The following PPP1R14C variants were observed in gnomAD, a reference collection of about 807,000 sequenced individuals.
The protein encoded by PPP1R14C is protein phosphatase 1 regulatory subunit 14C.
PPP1R14C carries 16 observed loss-of-function variants against 20.4 expected under a neutral mutation model. The observed-to-expected ratio is 0.78, with a 90% CI of 0.53 to 1.19. The LOEUF is 1.19. Among genes scored for constraint, PPP1R14C ranks in the 50% most tolerant of loss-of-function variants. PPP1R14C has a pLI of 0.00. For synonymous variants in PPP1R14C, 91 were observed against 91.0 expected, an observed-to-expected ratio of 1.00 and a Z score of 0.00; for missense variants, 211 against 220.1, an observed-to-expected ratio of 0.96 and a Z score of 0.26.
At chr6:150,163,549 G>T (rs1353921374) in intron 1 of PPP1R14C, among the ~76,000 whole-genome samples, 1 of 152,252 alleles carries the variant, frequency 6.6e-6, no homozygotes, top group South Asian at 2.1e-4. Context: ...GGGGTCCCTC[G>T]TGTGTGCTTA....
chr6:150,160,044 G>A (rs192788622), intron 1 of PPP1R14C, among the ~76,000 whole-genome samples: 61 of 152,158 alleles, frequency 4.0e-4, no homozygotes, highest in African/African-American at 1.4e-3. Context: ...ATTAGACTGC[G>A]TTTATGGGTT....
rs137954748 is a variant in PPP1R14C, at chr6:150,218,485, C to CAA, written c.423+1637_423+1638dup. On this transcript the variant is annotated intron_variant, in intron 3 of 3. Transcript: ENST00000361131. ...ACTAATACATCTGAACCCCCCCCCCCAAAAAAAAATTCTGAGGCTTATTTT... is the reference window on the plus strand; with the variant it reads ...ACTAATACATCTGAACCCCCCCCCCCAAAAAAAAAAATTCTGAGGCTTATTTT... 8.1e-3 allele frequency among the ~76,000 whole-genome samples: 1,016 copies of CAA among 125,658 alleles called. 23 individuals are homozygous for CAA. The highest frequency in any genetic ancestry group is 0.028 in the African/African-American group (955 of 34,598). The allele number at this position is 125,658 out of a possible 152,430, so 82.4% of individuals were successfully genotyped here. A position where few individuals can be genotyped will look rare whatever the true frequency, so the allele number is the denominator to read the frequency against.
chr6:150,144,173 G>A (rs1046699656), intron 1 of PPP1R14C, among the ~76,000 whole-genome samples: 1 of 152,206 alleles, frequency 6.6e-6, no homozygotes, highest in African/African-American at 2.4e-5. Flanking sequence ...ATTGATGGGC[G>A]CAGAATGAGC....
chr6:150,196,417 G>T lies in PPP1R14C; in HGVS notation c.307-18327G>T, dbSNP rs552559397. 4.0e-5 allele frequency among the ~76,000 whole-genome samples: 6 copies of T among 151,746 alleles called. No homozygotes were observed. The South Asian group carries it at 1.2e-3, about 32-fold the overall frequency. ...AATATTTAGCAGAAGTAGTAGCAAGGCATCCAATTCTTGAATCTAGTTTCT... is the reference window on the plus strand; with the variant it reads ...AATATTTAGCAGAAGTAGTAGCAAGTCATCCAATTCTTGAATCTAGTTTCT... On this transcript the variant is annotated intron_variant, in intron 1 of 3. Coordinates refer to ENST00000361131, the MANE Select transcript of PPP1R14C (RefSeq NM_030949.3).
intron 1 of PPP1R14C, among the ~76,000 whole-genome samples, chr6:150,199,466 G>C (rs1386960950): frequency 1.3e-5 from 2 of 152,192 alleles, no homozygotes; most frequent in East Asian, 3.8e-4. Context: ...TGAGGACACT[G>C]TGTTCTGGAG....
At chr6:150,239,596 G>A (rs868195039) in intron 3 of PPP1R14C, among the ~76,000 whole-genome samples, 1 of 152,178 alleles carries the variant, frequency 6.6e-6, no homozygotes, top group Non-Finnish European at 1.5e-5. Flanking sequence ...GCTGCTGGGG[G>A]TGGGGGAACA....
chr6:150,216,982 C>A, intron 3 of PPP1R14C, 126 bp downstream of exon 3: 1 of 674,420 alleles, frequency 1.5e-6, no homozygotes, highest in Middle Eastern at 2.5e-4. Context: ...AATTATTATC[C>A]ATGAGTGCAT....
intron 1 of PPP1R14C, among the ~76,000 whole-genome samples, chr6:150,150,905 G>A (rs765655847): frequency 4.0e-5 from 6 of 151,440 alleles, no homozygotes; most frequent in African/African-American, 1.2e-4. Flanking sequence ...CCCCTCCTCC[G>A]CCCTGTATTC....
chr6:150,226,551 A>G (rs973226864), intron 3 of PPP1R14C, among the ~76,000 whole-genome samples: 1 of 152,160 alleles, frequency 6.6e-6, no homozygotes, highest in Admixed American at 6.5e-5. Flanking sequence ...GGATGAACAG[A>G]AAATGCATTT....
intron 3 of PPP1R14C, among the ~76,000 whole-genome samples, chr6:150,233,398 C>T (rs542084515): frequency 1.5e-4 from 23 of 152,296 alleles, no homozygotes; most frequent in South Asian, 8.3e-4. Flanking sequence ...TAAGTTCCTA[C>T]GGCATATTTC....
chr6:150,178,548 T>C (rs766032973), intron 1 of PPP1R14C, among the ~76,000 whole-genome samples: 1 of 152,254 alleles, frequency 6.6e-6, no homozygotes, highest in Non-Finnish European at 1.5e-5. Context: ...TCTAGACCTA[T>C]AGACCTATGT....
At chr6:150,231,783 C>T (rs557364923) in intron 3 of PPP1R14C, among the ~76,000 whole-genome samples, 3 of 152,232 alleles carry the variant, frequency 2.0e-5, no homozygotes, top group African/African-American at 7.2e-5. Flanking sequence ...CATTAGGTGT[C>T]GGACACTTAT....
chr6:150,236,313 T>C (rs1050485655), intron 3 of PPP1R14C, among the ~76,000 whole-genome samples: 1 of 150,730 alleles, frequency 6.6e-6, no homozygotes, highest in Non-Finnish European at 1.5e-5. Flanking sequence ...AGATACTCAG[T>C]ACCCGCGAGA....
chr6:150,172,252 T>C (rs1777508614), intron 1 of PPP1R14C, among the ~76,000 whole-genome samples: 1 of 152,230 alleles, frequency 6.6e-6, no homozygotes, highest in South Asian at 2.1e-4. Context: ...TTATATGGCA[T>C]TGACATTCAG....
At chr6:150,240,500 C>A (rs1015620728) in intron 3 of PPP1R14C, among the ~76,000 whole-genome samples, 1 of 152,094 alleles carries the variant, frequency 6.6e-6, no homozygotes, top group Admixed American at 6.6e-5. Context: ...TTGGTTAGAC[C>A]CTATGTAAAT....
Position 150,169,500 on chromosome 6 carries a change from T to A in PPP1R14C, c.306+26002T>A, listed in dbSNP as rs149037484. Among the ~76,000 whole-genome samples the A allele has an allele frequency of 5.7e-3, 860 of 152,138 alleles. 7 individuals are homozygous for A. The highest frequency in any genetic ancestry group is 0.018 in the African/African-American group (754 of 41,516). ...TTCTCTGTATATGGCAGAAAAAAAA[T>A]CATATTTAGTCTCCAAACTGCTGTT... On this transcript the variant is annotated intron_variant, in intron 1 of 3. Transcript: ENST00000361131.
chr6:150,195,320 G>T, intron 1 of PPP1R14C: 1 of 256,150 alleles, frequency 3.9e-6, no homozygotes, highest in Non-Finnish European at 6.1e-6. Flanking sequence ...CTCTTAGTTT[G>T]CTAGTGGAGA....
At chr6:150,189,918 C>T (rs940093259) in intron 1 of PPP1R14C, among the ~76,000 whole-genome samples, 4 of 152,068 alleles carry the variant, frequency 2.6e-5, no homozygotes, top group African/African-American at 9.7e-5. Context: ...AAATCTGTCC[C>T]CCAACCCCCC....
intron 1 of PPP1R14C, among the ~76,000 whole-genome samples, chr6:150,149,157 G>A (rs189427062): frequency 6.6e-6 from 1 of 152,324 alleles, no homozygotes; most frequent in African/African-American, 2.4e-5. Context: ...CAGTGGTTAG[G>A]GAAATGCGGG....
Sources: gnomAD v4.1 joint callset for allele counts (sites outside exome capture counted in the v4.1 genomes callset) on GRCh38, gnomAD v4.1.1 for gene constraint, MANE v1.5 for transcripts, NCBI Gene and HGNC (gene_info 2026-07-23, HGNC 2026-07-21) for gene names.